PCDHGA6: variants seen among roughly 807,000 people sequenced by gnomAD.
The protein encoded by PCDHGA6 is protocadherin gamma-A6.
In PCDHGA6, 41 loss-of-function variants were observed where a neutral mutation model predicts 60.6. That is an observed-to-expected ratio of 0.68 (90% confidence interval 0.53 to 0.88). The LOEUF is 0.88. Ranked by LOEUF, PCDHGA6 falls within the 40% of genes least tolerant of loss-of-function variation. PCDHGA6 has a pLI of 0.00. For synonymous variants in PCDHGA6, 594 were observed against 524.4 expected, an observed-to-expected ratio of 1.13 and a Z score of -1.81; for missense variants, 1,312 against 1,203.0, an observed-to-expected ratio of 1.09 and a Z score of -1.34.
At chr5:141,482,901 A>G (rs192886570) in intron 1 of PCDHGA6, among the ~76,000 whole-genome samples, 1 of 152,122 alleles carries the variant, frequency 6.6e-6, no homozygotes, top group Admixed American at 6.6e-5. Context: ...GTGAAACCTC[A>G]TCTCTATTAA....
rs1379875429 is a variant in PCDHGA6 at position 141,491,125 on chromosome 5, C to T, written c.2425-3682C>T. 3.1e-6 allele frequency: 5 copies of T among 1,614,020 alleles called. No homozygotes were observed. The highest frequency in any genetic ancestry group is 4.2e-6 in the Non-Finnish European group (5 of 1,179,992). ...CGTGTCTACACACACTGGTGAGGTG[C>T]GCACAGCCCGGGCCTTACTGGAGGA... On this transcript the variant is annotated intron_variant, in intron 1 of 3. Coordinates refer to ENST00000517434, the MANE Select transcript of PCDHGA6 (RefSeq NM_018919.3). The surrounding 1 kb of genome is among the most constrained non-coding windows in gnomAD (Gnocchi z 6.9).
intron 1 of PCDHGA6, chr5:141,395,358 G>A: frequency 1.5e-6 from 2 of 1,346,158 alleles, no homozygotes; most frequent in Non-Finnish European, 9.9e-7. Context: ...ACAGAGTTTT[G>A]GGTTTATTTT....
At chr5:141,416,400 C>CT (rs1028319330) in intron 1 of PCDHGA6, 1 of 152,036 alleles carries the variant, frequency 6.6e-6, no homozygotes, top group African/African-American at 2.4e-5. Flanking sequence ...CTGCTTTTGT[C>CT]TTTTTTGTTA....
At position 141,389,758 on chromosome 5, in the gene PCDHGA6, G is replaced by T. The variant is rs201153580; in HGVS notation, c.2424+13251G>T. On this transcript the variant is annotated intron_variant, in intron 1 of 3. Transcript: ENST00000517434. Reference sequence around the variant, plus strand: ...CTGGGGCTGCGCACGGGCGAAGTGCGCACAGCGCGTGCCTTAGGCGACAGG... The same window carrying T: ...CTGGGGCTGCGCACGGGCGAAGTGCTCACAGCGCGTGCCTTAGGCGACAGG... The T allele has an allele frequency of 1.4e-4, 224 of 1,612,792 alleles. No homozygotes were observed. The African/African-American group carries it at 2.7e-3, about 19-fold the overall frequency.
intron 1 of PCDHGA6, chr5:141,392,605 CA>C (rs2092562177): frequency 1.9e-6 from 1 of 514,610 alleles, no homozygotes; most frequent in Admixed American, 3.7e-5. Context: ...TACTGGAAGA[CA>C]AATGCAACCG....
chr5:141,418,339 T>G (rs779598961), intron 1 of PCDHGA6: 2 of 1,614,012 alleles, frequency 1.2e-6, no homozygotes, highest in Non-Finnish European at 1.7e-6. Context: ...CAGAAGATCC[T>G]GATATTAGTA....
rs182936964 is a variant in PCDHGA6, at chr5:141,502,069, T to C, written c.2484-3324T>C. 1.1e-3 allele frequency among the ~76,000 whole-genome samples: 175 copies of C among 152,186 alleles called. 1 individual carries two copies. Among genetic ancestry groups the C allele is most frequent in the African/African-American group, 3.9e-3 (162 of 41,524 alleles). ...CCCTACTTTATTCCCATTAGCCCCC[T>C]TCACCTGGGGCTGAGAACACCTGGC... On this transcript the variant is annotated intron_variant, in intron 2 of 3. Coordinates refer to ENST00000517434, the MANE Select transcript of PCDHGA6 (RefSeq NM_018919.3).
In PCDHGA6 at chr5:141,374,286, C is replaced by G. The variant is rs778269128; in HGVS notation, c.203C>G (p.Ser68Cys). The part of the protein sequence containing the change: ...ELAEHGVRIV[S>C]RGRMQLFSLN... Reference sequence around the variant, plus strand: ...GCGGAGCACGGAGTCCGCATCGTCTCCAGAGGTAGGATGCAGCTTTTCTCT... The same window carrying G: ...GCGGAGCACGGAGTCCGCATCGTCTGCAGAGGTAGGATGCAGCTTTTCTCT... Residue 68 changes from serine (S) to cysteine (C), a missense_variant, in exon 1 of 4, where the codon TCC (serine) becomes TGC (cysteine). Physicochemically the swap from Ser to Cys is moderately radical, Grantham distance 112 (BLOSUM62 -1). Coordinates refer to ENST00000517434, the MANE Select transcript of PCDHGA6 (RefSeq NM_018919.3). The G allele has an allele frequency of 6.2e-7, 1 of 1,613,980 alleles. No homozygotes were observed. Among genetic ancestry groups the G allele is most frequent in the East Asian group, 2.2e-5 (1 of 44,868 alleles).
intron 1 of PCDHGA6, chr5:141,417,729 G>T (rs1175282861): frequency 1.6e-5 from 22 of 1,376,276 alleles, no homozygotes; most frequent in African/African-American, 8.8e-5. Context: ...CGCAGACCTT[G>T]CCCAGCACAC....
intron 1 of PCDHGA6, among the ~76,000 whole-genome samples, chr5:141,448,146 C>G (rs1375402473): frequency 6.6e-6 from 1 of 151,942 alleles, no homozygotes; most frequent in Non-Finnish European, 1.5e-5. Flanking sequence ...ATACCTCAGA[C>G]TCACCCCTGA....
chr5:141,430,399 T>C (rs2097282187), intron 1 of PCDHGA6, among the ~76,000 whole-genome samples: 1 of 150,106 alleles, frequency 6.7e-6, no homozygotes, highest in African/African-American at 2.4e-5. Flanking sequence ...AAAAAAAAGC[T>C]CACTAAAGTT....
chr5:141,433,993 T>G (rs1367687577), intron 1 of PCDHGA6, among the ~76,000 whole-genome samples: 1 of 152,216 alleles, frequency 6.6e-6, no homozygotes, highest in Non-Finnish European at 1.5e-5. Context: ...GAGTTTTATA[T>G]TCTCTATATA....
Position 141,384,796 on chromosome 5 carries a change from C to A in PCDHGA6, c.2424+8289C>A, listed in dbSNP as rs1182973938. 1 of 1,613,330 alleles carries A rather than the reference C, an allele frequency of 6.2e-7. No homozygotes were observed. Among genetic ancestry groups the A allele is most frequent in the African/African-American group, 1.3e-5 (1 of 74,956 alleles). ...CGAGGTGCGCACGGCTCGGGCCCTG[C>A]TGGACAGAGATGCCCTCAAGCAGAG... is the stretch of plus-strand genomic sequence containing the variant. On this transcript the variant is annotated intron_variant, in intron 1 of 3. Coordinates refer to ENST00000517434, the MANE Select transcript of PCDHGA6 (RefSeq NM_018919.3).
At chr5:141,495,193 T>G (rs1471524188) in intron 2 of PCDHGA6, among the ~76,000 whole-genome samples, 2 of 152,192 alleles carry the variant, frequency 1.3e-5, no homozygotes, top group Non-Finnish European at 2.9e-5. Flanking sequence ...TCTATGCCCA[T>G]GTACTGCCTA....
chr5:141,374,330 A>T lies in PCDHGA6; in HGVS notation c.247A>T (p.Ser83Cys). ...QLFSLNPRNGSLVTAGRIDRE... is the reference protein window; with the variant it reads ...QLFSLNPRNGCLVTAGRIDRE... ...TTTCTCTCTGAATCCGCGAAACGGC[A>T]GCTTGGTCACCGCGGGTAGGATAGA... The change falls in exon 1 of 4, where the codon AGC becomes TGC. Residue 83 changes from serine to cysteine, a missense_variant. By Grantham distance (112) the Ser-to-Cys change is moderately radical. Coordinates refer to ENST00000517434, the MANE Select transcript of PCDHGA6 (RefSeq NM_018919.3). The T allele has an allele frequency of 6.2e-7, 1 of 1,613,990 alleles. No homozygotes were observed. Among genetic ancestry groups the T allele is most frequent in the Non-Finnish European group, 8.5e-7 (1 of 1,179,858 alleles).
Position 141,431,485 on chromosome 5 carries a change from T to G in PCDHGA6, c.2424+54978T>G. 2 of 1,613,924 alleles carry G rather than the reference T, an allele frequency of 1.2e-6. No individual in the cohort carries two copies. Among genetic ancestry groups the G allele is most frequent in the Non-Finnish European group, 1.7e-6 (2 of 1,179,990 alleles). ...ATGCGAACGACAACGCACCAGCGTTTGCTCAGCCCGAGTACCGCGCGAGCG... is the reference window on the plus strand; with the variant it reads ...ATGCGAACGACAACGCACCAGCGTTGGCTCAGCCCGAGTACCGCGCGAGCG... On this transcript the variant is annotated intron_variant, in intron 1 of 3. Coordinates refer to ENST00000517434, the MANE Select transcript of PCDHGA6 (RefSeq NM_018919.3). This position sits in a 1 kb window ranked among gnomAD's most constrained non-coding sequence, Gnocchi z 4.8.
intron 1 of PCDHGA6, chr5:141,395,486 A>G: frequency 2.0e-6 from 1 of 510,062 alleles, no homozygotes; most frequent in Non-Finnish European, 3.4e-6. Flanking sequence ...TATTCCTATT[A>G]TCACTCATTC....
Position 141,477,395 on chromosome 5 carries a change from A to G in PCDHGA6, c.2425-17412A>G. The G allele has an allele frequency of 1.9e-6, 3 of 1,614,126 alleles. No individual in the cohort carries two copies. The highest frequency in any genetic ancestry group is 1.3e-5 in the African/African-American group (1 of 75,020). ...GACTGTGCCAGAATACAACCTCAGC[A>G]TCACCGCCCGAGACGCCGGAACCCC... On this transcript the variant is annotated intron_variant, in intron 1 of 3. Transcript: ENST00000517434. The surrounding 1 kb of genome is among the most constrained non-coding windows in gnomAD (Gnocchi z 4.9).
At chr5:141,449,215 T>C (rs2098631967) in intron 1 of PCDHGA6, among the ~76,000 whole-genome samples, 2 of 152,170 alleles carry the variant, frequency 1.3e-5, no homozygotes, top group Non-Finnish European at 2.9e-5. Context: ...ACTTTCTGTT[T>C]TGAAATGATT....
Sources: allele counts gnomAD v4.1 joint callset (sites outside exome capture counted in the v4.1 genomes callset), GRCh38; gene constraint gnomAD v4.1.1; non-coding constraint Gnocchi (gnomAD v3.1); transcripts MANE v1.5; gene names NCBI Gene and HGNC (gene_info 2026-07-23, HGNC 2026-07-21).